The following FBRSL1 variants were observed in gnomAD, a reference collection of about 807,000 sequenced individuals.
FBRSL1 encodes the protein fibrosin-1-like protein.
In FBRSL1, 51 loss-of-function variants were observed where a neutral mutation model predicts 89.6. The ratio of observed to expected loss-of-function variants is 0.57; its 90% CI spans 0.45 to 0.72. The LOEUF (loss-of-function observed/expected upper bound fraction) is 0.72. Ranked by LOEUF, FBRSL1 falls within the 30% of genes least tolerant of loss-of-function variation. FBRSL1 has a pLI of 0.00. For missense variants in FBRSL1, 1,618 were observed against 1,451.8 expected (o/e 1.11, Z -1.86); for synonymous variants, 779 against 681.1 (o/e 1.14, Z -2.24).
chr12:132,537,823 C>A (rs1179754389), intron 4 of FBRSL1, among the ~76,000 whole-genome samples: 1 of 152,216 alleles, frequency 6.6e-6, no homozygotes, highest in African/African-American at 2.4e-5. Flanking sequence ...CCCATGGATC[C>A]TTGGGAACAG....
chr12:132,511,516 G>A (rs2034338390), intron 2 of FBRSL1: 2 of 986,038 alleles, frequency 2.0e-6, no homozygotes, highest in Non-Finnish European at 2.4e-6. Flanking sequence ...AAAGGGAGGG[G>A]GTGTTTGGGG....
chr12:132,497,261 G>A (rs1048042269), intron 1 of FBRSL1, among the ~76,000 whole-genome samples: 1 of 152,172 alleles, frequency 6.6e-6, no homozygotes, highest in Non-Finnish European at 1.5e-5. Context: ...GCATGGTTTG[G>A]GGTGGGGACA....
intron 2 of FBRSL1, among the ~76,000 whole-genome samples, chr12:132,524,065 C>T (rs2035587219): frequency 6.6e-6 from 1 of 152,236 alleles, no homozygotes; most frequent in African/African-American, 2.4e-5. Context: ...GCCGTGCCTC[C>T]ACCTAAACCT....
At chr12:132,502,484 G>A (rs754053343) in intron 1 of FBRSL1, among the ~76,000 whole-genome samples, 4 of 152,284 alleles carry the variant, frequency 2.6e-5, no homozygotes, top group Middle Eastern at 3.4e-3. Context: ...AGGAACGTCC[G>A]AGTGCACAGC....
intron 1 of FBRSL1, among the ~76,000 whole-genome samples, chr12:132,493,089 C>T (rs1267362412): frequency 1.3e-5 from 2 of 152,260 alleles, no homozygotes; most frequent in East Asian, 1.9e-4. Flanking sequence ...GACCTTGAGG[C>T]TCCCCATTGA....
intron 4 of FBRSL1, among the ~76,000 whole-genome samples, chr12:132,542,034 G>A (rs531218494): frequency 2.0e-5 from 3 of 152,344 alleles, no homozygotes; most frequent in South Asian, 4.1e-4. Context: ...TTCCCCACTC[G>A]GCGGCACGTG....
intron 5 of FBRSL1, chr12:132,550,995 C>A (rs1593451953): frequency 8.1e-6 from 2 of 247,938 alleles, no homozygotes; most frequent in Non-Finnish European, 1.6e-5. Context: ...CAGCCAGCAC[C>A]CCACTGGCCG....
chr12:132,572,296 G>A lies in FBRSL1; in HGVS notation c.1386G>A (p.Lys462=), dbSNP rs1344670382. The change falls in exon 10 of 19, where the codon AAG becomes AAA. Residue 462 remains lysine, a synonymous_variant. Transcript: ENST00000680143. ...ACRPRECQFD[K]YAPKLDSPYF... ...CTCTCCTTCCCTTCCAGTTTGACAA[G>A]TATGCGCCCAAGCTGGACAGCCCCT... 9.0e-6 allele frequency: 14 copies of A among 1,551,028 alleles called. No individual in the cohort carries two copies. Among genetic ancestry groups the A allele is most frequent in the African/African-American group, 6.8e-5 (5 of 73,040 alleles).
At chr12:132,545,641 G>C (rs1566177077) in intron 4 of FBRSL1, among the ~76,000 whole-genome samples, 2 of 152,346 alleles carry the variant, frequency 1.3e-5, no homozygotes, top group East Asian at 3.9e-4. Context: ...GCTTGTGGGA[G>C]CTGCTGGCTC....
intron 4 of FBRSL1, among the ~76,000 whole-genome samples, chr12:132,542,904 G>C (rs2037384131): frequency 6.6e-6 from 1 of 152,252 alleles, no homozygotes; most frequent in Non-Finnish European, 1.5e-5. Flanking sequence ...CTGCTTAATA[G>C]CCGTGCTGCT....
chr12:132,533,525 C>A (rs1401828102), intron 4 of FBRSL1, among the ~76,000 whole-genome samples: 1 of 152,284 alleles, frequency 6.6e-6, no homozygotes, highest in Non-Finnish European at 1.5e-5. Context: ...AAGGGTCTTT[C>A]AGGCTGGCTG....
At chr12:132,555,082 A>T (rs894724851) in intron 5 of FBRSL1, 9 of 152,144 alleles carry the variant, frequency 5.9e-5, no homozygotes, top group African/African-American at 2.2e-4. Context: ...CGACCTTCTG[A>T]GCCCTGGTTT....
In FBRSL1 at chr12:132,490,872, G is replaced by C. The variant is rs1162687401; in HGVS notation, c.291+11G>C. Reference sequence around the variant, plus strand: ...CTGGAGGCCCTGGAGGTAGGTGGACGGGTGCGGCTTCGCAGGCGTTGAGGC... The same window carrying C: ...CTGGAGGCCCTGGAGGTAGGTGGACCGGTGCGGCTTCGCAGGCGTTGAGGC... On this transcript the variant is annotated intron_variant, in intron 1 of 18. Coordinates refer to ENST00000680143, the MANE Select transcript of FBRSL1 (RefSeq NM_001367871.1). 1 of 1,244,838 alleles carries C rather than the reference G, an allele frequency of 8.0e-7. No homozygotes were observed. Among genetic ancestry groups the C allele is most frequent in the Non-Finnish European group, 1.1e-6 (1 of 943,050 alleles). 77.1% of individuals were successfully genotyped at this position (1,244,838 alleles called of 1,614,324 possible).
intron 1 of FBRSL1, among the ~76,000 whole-genome samples, chr12:132,498,427 G>A (rs1180644983): frequency 6.6e-6 from 1 of 152,180 alleles, no homozygotes; most frequent in African/African-American, 2.4e-5. Context: ...GTCGAGGACC[G>A]CAGCAGAGTG....
intron 2 of FBRSL1, among the ~76,000 whole-genome samples, chr12:132,520,571 T>C (rs79222985): frequency 0.13 from 20,016 of 152,186 alleles, 1,454 homozygotes; most frequent in Admixed American, 0.22. Context: ...GTGCTGTGGG[T>C]GCGGCATCGG....
rs2040224402 is a variant in FBRSL1 at position 132,574,081 on chromosome 12, T to A, written c.1531-9T>A. The A allele has an allele frequency of 7.8e-7, 1 of 1,288,364 alleles. No homozygotes were observed. The highest frequency in any genetic ancestry group is 9.8e-7 in the Non-Finnish European group (1 of 1,018,418). The allele number at this position is 1,288,364 out of a possible 1,614,324, so 79.8% of individuals were successfully genotyped here. On this transcript the variant is annotated splice_polypyrimidine_tract_variant and intron_variant, in intron 11 of 18. Coordinates refer to ENST00000680143, the MANE Select transcript of FBRSL1 (RefSeq NM_001367871.1). ...CAGGCGCACACAAGCTGTCTCTTTC[T>A]CCCCTCAGACTTCAAGCCCCATTGA...
At chr12:132,502,148 G>A (rs960137278) in intron 1 of FBRSL1, among the ~76,000 whole-genome samples, 7 of 152,172 alleles carry the variant, frequency 4.6e-5, no homozygotes, top group Non-Finnish European at 7.3e-5. Flanking sequence ...CCCAACCTGC[G>A]GCAGCCCCGC....
At chr12:132,572,678 G>A (rs1366452812) in intron 11 of FBRSL1, 56 bp downstream of exon 11, 19 of 1,267,888 alleles carry the variant, frequency 1.5e-5, no homozygotes, top group Non-Finnish European at 2.0e-5. Flanking sequence ...ATTTTGGGGG[G>A]AGTGCATGAC....
At chr12:132,493,547 C>A (rs1367291643) in intron 1 of FBRSL1, among the ~76,000 whole-genome samples, 1 of 152,192 alleles carries the variant, frequency 6.6e-6, no homozygotes, top group Non-Finnish European at 1.5e-5. Context: ...CCCCTTCTGA[C>A]CCCAGGCAGA....
Sources: gnomAD v4.1 joint callset for allele counts (sites outside exome capture counted in the v4.1 genomes callset) on GRCh38, gnomAD v4.1.1 for gene constraint, MANE v1.5 for transcripts, NCBI Gene and HGNC (gene_info 2026-07-23, HGNC 2026-07-21) for gene names.